Variants in PDE4D observed in about 807,000 individuals in gnomAD.
PDE4D encodes 3',5'-cyclic-AMP phosphodiesterase 4D.
A neutral mutation model predicts 87.4 loss-of-function variants in PDE4D; 24 were observed. The ratio of observed to expected loss-of-function variants is 0.27; its 90% CI spans 0.20 to 0.39. PDE4D has a LOEUF of 0.39. Ranked by LOEUF, PDE4D falls within the 10% of genes least tolerant of loss-of-function variation. The pLI, the probability that PDE4D is intolerant of heterozygous loss-of-function variation, is 1.00. For synonymous variants in PDE4D, 384 were observed against 383.2 expected, an observed-to-expected ratio of 1.00 and a Z score of -0.02; for missense variants, 714 against 1,041.0, an observed-to-expected ratio of 0.69 and a Z score of 4.32.
At chr5:59,631,843 G>A (rs1388486298) in intron 1 of PDE4D, among the ~76,000 whole-genome samples, 1 of 57,314 alleles carries the variant, frequency 1.7e-5, no homozygotes, top group African/African-American at 6.0e-5. Context: ...CATTGAGCTA[G>A]CTGCAGTTTT....
At chr5:59,691,741 G>A (rs936809012) in intron 1 of PDE4D, among the ~76,000 whole-genome samples, 4 of 151,022 alleles carry the variant, frequency 2.6e-5, no homozygotes, top group Admixed American at 6.6e-5. Context: ...TGGGAAAAGA[G>A]ACAGAGCCAA....
Position 59,006,867 on chromosome 5 carries a change from A to G in PDE4D, c.922-13402T>C, listed in dbSNP as rs1476283215. On this transcript the variant is annotated intron_variant, in intron 6 of 14. Coordinates refer to ENST00000340635, the MANE Select transcript of PDE4D (RefSeq NM_001104631.2). ...GAAAAGATGCATTTTTGAATAGGGA[A>G]AAACAAAACTAAATTATGGGGAAAC... 1.3e-4 allele frequency among the ~76,000 whole-genome samples: 20 copies of G among 152,278 alleles called. No homozygotes were observed. In the East Asian group the frequency reaches 3.7e-3, roughly 28 times the overall value.
chr5:59,743,560 T>C (rs565458018), intron 1 of PDE4D, among the ~76,000 whole-genome samples: 4 of 152,174 alleles, frequency 2.6e-5, no homozygotes, highest in East Asian at 1.9e-4. Flanking sequence ...TATGGAGAAA[T>C]TGAACCCTCG....
intron 4 of PDE4D, among the ~76,000 whole-genome samples, chr5:59,183,518 G>A (rs2153479677): frequency 6.6e-6 from 1 of 152,238 alleles, no homozygotes; most frequent in South Asian, 2.1e-4. Context: ...GAAGCATAAA[G>A]GGAGTTTCTT....
At chr5:60,126,247 T>C (rs1452373386) in intron 2 of PDE4D, among the ~76,000 whole-genome samples, 1 of 150,890 alleles carries the variant, frequency 6.6e-6, no homozygotes, top group Admixed American at 6.6e-5. Flanking sequence ...AATCCAGCTA[T>C]CTTCAGACAA....
intron 1 of PDE4D, among the ~76,000 whole-genome samples, chr5:59,636,366 A>G (rs971646561): frequency 6.6e-6 from 1 of 152,226 alleles, no homozygotes; most frequent in African/African-American, 2.4e-5. Flanking sequence ...TTCTTCACAG[A>G]ATTAGAAAAA....
intron 2 of PDE4D, among the ~76,000 whole-genome samples, chr5:60,111,957 T>C (rs1240800432): frequency 6.6e-6 from 1 of 152,086 alleles, no homozygotes; most frequent in East Asian, 1.9e-4. Flanking sequence ...TTAACAGTTA[T>C]TTAATTTAAC....
At chr5:59,634,858 CCAG>C (rs1452782621) in intron 1 of PDE4D, among the ~76,000 whole-genome samples, 1 of 151,970 alleles carries the variant, frequency 6.6e-6, no homozygotes, top group African/African-American at 2.4e-5. Context: ...CATTCAAAAG[CCAG>C]CAGAAGGCAA....
At chr5:59,820,809 G>T (rs1264218527) in intron 1 of PDE4D, among the ~76,000 whole-genome samples, 1 of 152,130 alleles carries the variant, frequency 6.6e-6, no homozygotes, top group Non-Finnish European at 1.5e-5. Flanking sequence ...AATATTGTTT[G>T]TGTTTAAGGT....
At chr5:59,448,880 C>T (rs1231212595) in intron 1 of PDE4D, among the ~76,000 whole-genome samples, 1 of 152,140 alleles carries the variant, frequency 6.6e-6, no homozygotes, top group Non-Finnish European at 1.5e-5. Context: ...AGTGATCCTC[C>T]CGCCTTGGCC....
intron 1 of PDE4D, among the ~76,000 whole-genome samples, chr5:60,200,934 G>A (rs1054174569): frequency 5.3e-5 from 8 of 152,072 alleles, no homozygotes; most frequent in African/African-American, 1.9e-4. Context: ...ACTGAATCCT[G>A]ATTTTTAAGA....
rs533022074 is a variant in PDE4D, at chr5:59,719,378, A to G, written c.455+173790T>C. Among the ~76,000 whole-genome samples the G allele has an allele frequency of 2.0e-5, 3 of 152,326 alleles. No homozygotes were observed. In the East Asian group the frequency reaches 5.8e-4, roughly 29 times the overall value. ...CCACGACACAGATACGATGGACTAC[A>G]TAACCTCAAGAGCATGGATAATAGT... On this transcript the variant is annotated intron_variant, in intron 1 of 14. Transcript: ENST00000340635.
chr5:60,026,304 A>G (rs540991551), intron 2 of PDE4D, among the ~76,000 whole-genome samples: 68 of 152,276 alleles, frequency 4.5e-4, no homozygotes, highest in African/African-American at 1.6e-3. Context: ...AGACAAGTAG[A>G]CAAGTGCTCC....
chr5:58,985,379 A>ATGC (rs1746164000), intron 11 of PDE4D, among the ~76,000 whole-genome samples: 1 of 152,216 alleles, frequency 6.6e-6, no homozygotes, highest in Non-Finnish European at 1.5e-5. Context: ...CAGAACCTCC[A>ATGC]GCATGCTTTC....
At position 59,005,048 on chromosome 5, in the gene PDE4D, A is replaced by T. The variant is rs78700873; in HGVS notation, c.922-11583T>A. ...TTGTTGGCTGATGCAGATGCAAAACATCAATATTTTTATACTGATTATAGG... is the reference window on the plus strand; with the variant it reads ...TTGTTGGCTGATGCAGATGCAAAACTTCAATATTTTTATACTGATTATAGG... On this transcript the variant is annotated intron_variant, in intron 6 of 14. Transcript: ENST00000340635. Among the ~76,000 whole-genome samples, 1,141 of 152,342 alleles carry T rather than the reference A, an allele frequency of 7.5e-3. 18 individuals carry two copies. The highest frequency in any genetic ancestry group is 0.027 in the African/African-American group (1,113 of 41,578).
At chr5:59,974,124 A>G (rs1761063809) in intron 3 of PDE4D, among the ~76,000 whole-genome samples, 2 of 152,218 alleles carry the variant, frequency 1.3e-5, no homozygotes, top group African/African-American at 4.8e-5. Flanking sequence ...TTTTCTACAA[A>G]TAGAATTTTT....
chr5:59,003,561 C>G (rs1282051559), intron 6 of PDE4D, among the ~76,000 whole-genome samples: 2 of 152,204 alleles, frequency 1.3e-5, no homozygotes, highest in African/African-American at 4.8e-5. Context: ...AGCTCCTACT[C>G]TATGTCAGGC....
intron 2 of PDE4D, among the ~76,000 whole-genome samples, chr5:60,022,313 C>T (rs55669629): frequency 6.1e-4 from 93 of 152,168 alleles, no homozygotes; most frequent in Non-Finnish European, 1.0e-3. Context: ...TATAATCTTT[C>T]GAATAACAAT....
intron 2 of PDE4D, among the ~76,000 whole-genome samples, chr5:60,086,588 T>A (rs1262912118): frequency 2.0e-5 from 3 of 152,314 alleles, no homozygotes; most frequent in South Asian, 2.1e-4. Context: ...CACAATTATA[T>A]GAAAAGTAGA....
Sources: allele counts gnomAD v4.1 joint callset (sites outside exome capture counted in the v4.1 genomes callset), GRCh38; gene constraint gnomAD v4.1.1; transcripts MANE v1.5; gene names NCBI Gene and HGNC (gene_info 2026-07-23, HGNC 2026-07-21).